Variants in PEBP4 observed in about 807,000 individuals in gnomAD.
PEBP4 encodes the protein phosphatidylethanolamine binding protein 4.
Under a neutral mutation model 23.9 loss-of-function variants are expected in PEBP4, and 22 were observed. The ratio of observed to expected loss-of-function variants is 0.92; its 90% confidence interval spans 0.66 to 1.31. The LOEUF (loss-of-function observed/expected upper bound fraction) is 1.31. Ranked by LOEUF, PEBP4 falls within the 40% of genes most tolerant of loss-of-function variation. The probability of loss-of-function intolerance (pLI) is 0.00; values close to 1 mark genes in which losing one functional copy is unlikely to be tolerated. For missense variants in PEBP4, 324 were observed against 281.7 expected (o/e 1.15, Z -1.07); for synonymous variants, 112 against 99.3 (o/e 1.13, Z -0.76).
intron 3 of PEBP4, among the ~76,000 whole-genome samples, chr8:22,828,203 C>A (rs908142985): frequency 3.9e-5 from 6 of 152,148 alleles, no homozygotes; most frequent in African/African-American, 1.4e-4. Context: ...AGAGGGGCTA[C>A]CCAGTTGGAA....
chr8:22,814,170 G>A (rs898015082), intron 4 of PEBP4, among the ~76,000 whole-genome samples: 3 of 152,174 alleles, frequency 2.0e-5, no homozygotes, highest in Non-Finnish European at 2.9e-5. Context: ...TCCAGCTTAC[G>A]AGTGAGTATA....
At chr8:22,804,305 T>G (rs1012431463) in intron 4 of PEBP4, among the ~76,000 whole-genome samples, 2 of 152,126 alleles carry the variant, frequency 1.3e-5, no homozygotes, top group African/African-American at 4.8e-5. Context: ...CACTCCACCC[T>G]GGGCAACAGA....
In PEBP4 at chr8:22,753,559, T is replaced by G. The variant is rs1021299385; in HGVS notation, c.358-26339A>C. Among the ~76,000 whole-genome samples, 5 of 152,234 alleles carry G rather than the reference T, an allele frequency of 3.3e-5. 1 individual carries two copies. The highest frequency in any genetic ancestry group is 7.3e-5 in the Non-Finnish European group (5 of 68,036). Reference sequence around the variant, plus strand: ...CGTGTTTCATGTGGACACATGATGCTGGGAGAACTTCAGAGCTAGGCAGCT... The same window carrying G: ...CGTGTTTCATGTGGACACATGATGCGGGGAGAACTTCAGAGCTAGGCAGCT... On this transcript the variant is annotated intron_variant, in intron 4 of 6. Coordinates refer to ENST00000256404, the MANE Select transcript of PEBP4 (RefSeq NM_144962.3).
chr8:22,760,667 C>A (rs115309633), intron 4 of PEBP4, among the ~76,000 whole-genome samples: 177 of 152,212 alleles, frequency 1.2e-3, no homozygotes, highest in African/African-American at 3.6e-3. Flanking sequence ...AGGGCCTGTA[C>A]CATGCCATTT....
At chr8:22,834,930 C>A (rs1396002280) in intron 3 of PEBP4, among the ~76,000 whole-genome samples, 1 of 152,194 alleles carries the variant, frequency 6.6e-6, no homozygotes, top group Non-Finnish European at 1.5e-5. Context: ...CTTCTTGTTG[C>A]ATGACACAAA....
chr8:22,833,448 C>T (rs983262820), intron 3 of PEBP4, among the ~76,000 whole-genome samples: 11 of 152,168 alleles, frequency 7.2e-5, no homozygotes, highest in South Asian at 2.1e-4. Context: ...TCTTCTGCCT[C>T]GGCCTCCCGA....
At chr8:22,734,776 G>A (rs1337979666) in intron 4 of PEBP4, among the ~76,000 whole-genome samples, 2 of 152,140 alleles carry the variant, frequency 1.3e-5, no homozygotes, top group South Asian at 2.1e-4. Flanking sequence ...GACAAGGGAG[G>A]GGAAGGGCAG....
At chr8:22,843,382 C>A (rs547286635) in intron 3 of PEBP4, among the ~76,000 whole-genome samples, 1 of 152,170 alleles carries the variant, frequency 6.6e-6, no homozygotes. Flanking sequence ...AAAGGCCAAT[C>A]GAGGCAGCTG....
At chr8:22,765,874 ATGGATCACCACCTG>A (rs879869857) in intron 4 of PEBP4, among the ~76,000 whole-genome samples, 165 of 131,532 alleles carry the variant, frequency 1.3e-3, no homozygotes, top group Middle Eastern at 4.8e-3. Context: ...ACCACCATTC[ATGGATCACCACCTG>A]TGGATCACCA....
chr8:22,905,896 T>C (rs546149319), intron 3 of PEBP4, among the ~76,000 whole-genome samples: 16 of 152,308 alleles, frequency 1.1e-4, no homozygotes, highest in African/African-American at 3.6e-4. Context: ...GTGGGGGCGG[T>C]GGAGGATGGG....
At chr8:22,739,487 C>T (rs1260275313) in intron 4 of PEBP4, among the ~76,000 whole-genome samples, 1 of 152,114 alleles carries the variant, frequency 6.6e-6, no homozygotes, top group Middle Eastern at 3.2e-3. Flanking sequence ...GCGAGGGGAC[C>T]AATACACTGG....
chr8:22,858,070 G>T (rs1383268361), intron 3 of PEBP4, among the ~76,000 whole-genome samples: 2 of 152,198 alleles, frequency 1.3e-5, no homozygotes, highest in African/African-American at 4.8e-5. Context: ...GACAAGGGCT[G>T]AGACATTTTG....
intron 4 of PEBP4, among the ~76,000 whole-genome samples, chr8:22,741,498 G>A (rs185174638): frequency 1.1e-3 from 162 of 152,332 alleles, no homozygotes; most frequent in African/African-American, 3.7e-3. Flanking sequence ...CTGAGCCTGT[G>A]CTCAGTGAAC....
At chr8:22,934,571 A>G (rs1156539561) in intron 1 of PEBP4, among the ~76,000 whole-genome samples, 1 of 152,238 alleles carries the variant, frequency 6.6e-6, no homozygotes, top group African/African-American at 2.4e-5. Context: ...ATGCAGTGGC[A>G]CATGCCTGTA....
At chr8:22,815,195 A>C (rs1393718223) in intron 4 of PEBP4, 1 of 152,204 alleles carries the variant, frequency 6.6e-6, no homozygotes, top group African/African-American at 2.4e-5. Context: ...TTTCGCTTGA[A>C]AATTGCTCCA....
At position 22,768,232 on chromosome 8, in the gene PEBP4, C is replaced by A. The variant is rs533827556; in HGVS notation, c.358-41012G>T. Among the ~76,000 whole-genome samples, 6 of 152,316 alleles carry A rather than the reference C, an allele frequency of 3.9e-5. No individual in the cohort carries two copies. The East Asian group carries it at 7.7e-4, about 20-fold the overall frequency. ...CCCCTGAAGTGACTGCCCACGAACA[C>A]TTCTTGTGTCCCTCTGCCCCCTGGT... is the stretch of plus-strand genomic sequence containing the variant. On this transcript the variant is annotated intron_variant, in intron 4 of 6. Coordinates refer to ENST00000256404, the MANE Select transcript of PEBP4 (RefSeq NM_144962.3).
intron 4 of PEBP4, among the ~76,000 whole-genome samples, chr8:22,777,491 C>T (rs1805836262): frequency 6.6e-6 from 1 of 152,150 alleles, no homozygotes; most frequent in South Asian, 2.1e-4. Flanking sequence ...GAGAGGCAGG[C>T]CCTGAAGGAA....
intron 2 of PEBP4, among the ~76,000 whole-genome samples, chr8:22,926,910 G>A (rs1039619618): frequency 2.0e-5 from 3 of 152,164 alleles, no homozygotes; most frequent in Admixed American, 1.3e-4. Flanking sequence ...AGGGAGGTTT[G>A]GCATCAGTTT....
intron 3 of PEBP4, among the ~76,000 whole-genome samples, chr8:22,919,158 G>A (rs745947905): frequency 8.5e-5 from 13 of 152,204 alleles, no homozygotes; most frequent in Non-Finnish European, 1.6e-4. Flanking sequence ...TCTGGAGCTT[G>A]TTGTCCTACT....
Sources: gnomAD v4.1 joint callset for allele counts (sites outside exome capture counted in the v4.1 genomes callset) on GRCh38, gnomAD v4.1.1 for gene constraint, MANE v1.5 for transcripts, NCBI Gene and HGNC (gene_info 2026-07-23, HGNC 2026-07-21) for gene names.